Variants in MDFIC observed in about 807,000 individuals in gnomAD.
The protein encoded by MDFIC is myoD family inhibitor domain-containing protein.
MDFIC carries 17 observed loss-of-function variants against 23.2 expected under a neutral mutation model. That is an observed-to-expected ratio of 0.73 (90% CI 0.50 to 1.10). MDFIC has a LOEUF of 1.10. Ranked by LOEUF, MDFIC falls within the 50% of genes least tolerant of loss-of-function variation. The pLI is 0.00. For missense variants in MDFIC, 356 were observed against 316.6 expected, an observed-to-expected ratio of 1.12 and a Z score of -0.95; for synonymous variants, 120 against 115.2, an observed-to-expected ratio of 1.04 and a Z score of -0.27.
intron 4 of MDFIC, among the ~76,000 whole-genome samples, chr7:115,000,468 C>T (rs965006657): frequency 1.3e-4 from 20 of 152,158 alleles, no homozygotes; most frequent in Non-Finnish European, 2.8e-4. Flanking sequence ...CTCCATGGCA[C>T]ACCACAGAAA....
intron 4 of MDFIC, among the ~76,000 whole-genome samples, chr7:114,989,328 G>T (rs1480959113): frequency 6.6e-6 from 1 of 152,164 alleles, no homozygotes; most frequent in Non-Finnish European, 1.5e-5. Context: ...ATTAAGAGTT[G>T]TTTTCATGGA....
intron 4 of MDFIC, among the ~76,000 whole-genome samples, chr7:114,993,659 T>G (rs2116040992): frequency 6.6e-6 from 1 of 152,308 alleles, no homozygotes; most frequent in Middle Eastern, 3.4e-3. Context: ...TTGAGTGGTT[T>G]TGAGTGAGTT....
chr7:114,930,117 C>T (rs945820348), intron 2 of MDFIC, among the ~76,000 whole-genome samples: 4 of 152,148 alleles, frequency 2.6e-5, no homozygotes, highest in Non-Finnish European at 5.9e-5. Flanking sequence ...GATAGTCAAT[C>T]TGGGGCAAAT....
At chr7:114,949,888 G>T (rs1792729181) in intron 3 of MDFIC, among the ~76,000 whole-genome samples, 1 of 152,188 alleles carries the variant, frequency 6.6e-6, no homozygotes, top group African/African-American at 2.4e-5. Flanking sequence ...GGGAGGGACT[G>T]AAGCTGGGGT....
chr7:114,970,349 T>C (rs888629115), intron 3 of MDFIC, among the ~76,000 whole-genome samples: 2 of 152,212 alleles, frequency 1.3e-5, no homozygotes, highest in Admixed American at 6.5e-5. Flanking sequence ...GGGATGTTTC[T>C]AGCAATACAG....
Position 114,923,110 on chromosome 7 carries a change from T to G in MDFIC, c.77T>G (p.Leu26Arg). ...QRVAEAGGGQ[L>R]GSTAQGKCDK... ...GTGGCCGAGGCGGGCGGCGGCCAGC[T>G]GGGCTCCACAGCCCAGGGTGAGTGC... Residue 26 changes from leucine (L) to arginine (R), a missense_variant, in exon 2 of 5, where the codon CTG (leucine) becomes CGG (arginine). Transcript: ENST00000393486. 1.4e-6 allele frequency: 2 copies of G among 1,471,250 alleles called. No individual in the cohort carries two copies. Among genetic ancestry groups the G allele is most frequent in the Non-Finnish European group, 1.8e-6 (2 of 1,114,908 alleles). The allele number at this position is 1,471,250 out of a possible 1,614,324, so 91.1% of individuals were successfully genotyped here.
At chr7:114,948,344 T>G (rs961918895) in intron 3 of MDFIC, among the ~76,000 whole-genome samples, 1 of 152,236 alleles carries the variant, frequency 6.6e-6, no homozygotes, top group African/African-American at 2.4e-5. Context: ...CGTTTACTGA[T>G]AAGGCTACTT....
At chr7:115,008,326 A>T (rs1175458076) in intron 4 of MDFIC, among the ~76,000 whole-genome samples, 1 of 148,206 alleles carries the variant, frequency 6.7e-6, no homozygotes, top group Non-Finnish European at 1.5e-5. Context: ...GGTTCTTTTG[A>T]CTTTGTTGAG....
At chr7:114,940,257 C>G (rs1010322382) in intron 2 of MDFIC, among the ~76,000 whole-genome samples, 10 of 152,170 alleles carry the variant, frequency 6.6e-5, no homozygotes, top group African/African-American at 2.4e-4. Flanking sequence ...AGACCTTAGC[C>G]TCTGGACTCG....
intron 1 of MDFIC, 128 bp downstream of exon 1, chr7:114,922,764 T>A: frequency 8.1e-7 from 1 of 1,237,822 alleles, no homozygotes; most frequent in Non-Finnish European, 1.0e-6. Context: ...ACCCCGCCGC[T>A]GTCAACTTGC....
At chr7:114,937,036 T>A (rs751461608) in intron 2 of MDFIC, among the ~76,000 whole-genome samples, 114 of 152,248 alleles carry the variant, frequency 7.5e-4, no homozygotes, top group Non-Finnish European at 1.5e-3. Flanking sequence ...CTCTTGCTAA[T>A]CACCATCTTA....
rs1791791614 is a variant in MDFIC, at chr7:115,016,189, C to G, written c.*254C>G. On this transcript the variant is annotated 3_prime_UTR_variant, in exon 5 of 5. Transcript: ENST00000393486. ...TAACTTAGGGACATTTTGACACCCC[C>G]CTTCCCAAATGTTAAATGCCTTCTC... 1 of 404,906 alleles carries G rather than the reference C, an allele frequency of 2.5e-6. No homozygotes were observed. The highest frequency in any genetic ancestry group is 3.4e-5 in the South Asian group (1 of 29,444). The allele number at this position is 404,906 out of a possible 1,614,324, so 25.1% of individuals were successfully genotyped here. A position where few individuals can be genotyped will look rare whatever the true frequency, so the allele number is the denominator to read the frequency against.
intron 3 of MDFIC, among the ~76,000 whole-genome samples, chr7:114,962,570 TA>T (rs1793014794): frequency 6.6e-6 from 1 of 152,170 alleles, no homozygotes; most frequent in African/African-American, 2.4e-5. Context: ...GTGAAGTGCA[TA>T]AGGCAGGAGA....
At chr7:114,991,991 G>A (rs549432235) in intron 4 of MDFIC, among the ~76,000 whole-genome samples, 2 of 152,308 alleles carry the variant, frequency 1.3e-5, no homozygotes, top group South Asian at 4.1e-4. Flanking sequence ...AGCATGAAAT[G>A]TTCTTCCATT....
At chr7:114,928,798 G>C (rs936899225) in intron 2 of MDFIC, among the ~76,000 whole-genome samples, 1 of 152,148 alleles carries the variant, frequency 6.6e-6, no homozygotes, top group African/African-American at 2.4e-5. Flanking sequence ...GGAGGAAGAA[G>C]CAAGAGTGGA....
chr7:114,949,376 T>A (rs1205797278), intron 3 of MDFIC, among the ~76,000 whole-genome samples: 1 of 152,076 alleles, frequency 6.6e-6, no homozygotes, highest in East Asian at 1.9e-4. Flanking sequence ...GGCTTAGAGA[T>A]CATCCCAAAA....
intron 1 of MDFIC, 34 bp downstream of exon 1, chr7:114,922,670 G>T (rs1336513301): frequency 1.5e-6 from 2 of 1,338,892 alleles, no homozygotes; most frequent in African/African-American, 1.5e-5. Context: ...GAAGAGGAGG[G>T]GTTTGATCCC....
At chr7:114,993,008 A>G (rs540009430) in intron 4 of MDFIC, among the ~76,000 whole-genome samples, 26 of 152,122 alleles carry the variant, frequency 1.7e-4, no homozygotes, top group Non-Finnish European at 3.2e-4. Context: ...GTAGGCTATT[A>G]ATTATTGCCT....
At position 114,922,970 on chromosome 7, in the gene MDFIC, C is replaced by T; in HGVS notation, c.-64C>T. On this transcript the variant is annotated 5_prime_UTR_variant, in exon 2 of 5. Transcript: ENST00000393486. ...ACCCAGCACCTCACAGCCCTTCCTC[C>T]GTGCGCCCTGCCGGGCGGCGAGCTA... is the stretch of plus-strand genomic sequence containing the variant. 6.4e-7 allele frequency: 1 copy of T among 1,553,614 alleles called. No homozygotes were observed. Among genetic ancestry groups the T allele is most frequent in the Non-Finnish European group, 8.7e-7 (1 of 1,151,722 alleles).
Sources: gnomAD v4.1 joint callset for allele counts (sites outside exome capture counted in the v4.1 genomes callset) on GRCh38, gnomAD v4.1.1 for gene constraint, MANE v1.5 for transcripts, NCBI Gene and HGNC (gene_info 2026-07-23, HGNC 2026-07-21) for gene names.